Variants in ITPRID1 observed in about 807,000 individuals in gnomAD.
ITPRID1 encodes the protein ITPR interacting domain containing 1.
Under a neutral mutation model 95.4 loss-of-function variants are expected in ITPRID1, and 96 were observed. That is an observed-to-expected ratio of 1.01 (90% CI 0.85 to 1.19). ITPRID1 has a LOEUF of 1.19. Among genes scored for constraint, ITPRID1 ranks in the 50% most tolerant of loss-of-function variants. The pLI, the probability that ITPRID1 is intolerant of heterozygous loss-of-function variation, is 0.00. For missense variants in ITPRID1, 1,339 were observed against 1,252.9 expected, an observed-to-expected ratio of 1.07 and a Z score of -1.04; for synonymous variants, 510 against 453.6, an observed-to-expected ratio of 1.12 and a Z score of -1.58.
intron 10 of ITPRID1, among the ~76,000 whole-genome samples, chr7:31,615,059 TA>T (rs1241311016): frequency 6.6e-6 from 1 of 152,134 alleles, no homozygotes; most frequent in Admixed American, 6.6e-5. Flanking sequence ...GTAATTTTCT[TA>T]AAGAGAATAA....
intron 9 of ITPRID1, 31 bp from the exon 10 acceptor site, chr7:31,583,103 C>T (rs762791567): frequency 1.3e-6 from 2 of 1,535,478 alleles, no homozygotes; most frequent in South Asian, 1.1e-5. Flanking sequence ...GACAAAATTT[C>T]TAATGACATT....
intron 1 of ITPRID1, among the ~76,000 whole-genome samples, chr7:31,521,616 TTCCCTCCTTCCTTCCTTCCTTCC>T (rs75716324): frequency 0.16 from 13,513 of 83,532 alleles, 1,037 homozygotes; most frequent in Middle Eastern, 0.21. Flanking sequence ...TTTTTCTCCT[TTCCCTCCTTCCTTCCTTCCTTCC>T]TTCCTTCCTT....
Position 31,554,780 on chromosome 7 carries a change from C to A in ITPRID1, c.213-78C>A, listed in dbSNP as rs1784395019. 3 of 1,255,908 alleles carry A rather than the reference C, an allele frequency of 2.4e-6. No homozygotes were observed. In the South Asian group the frequency reaches 4.0e-5, roughly 17 times the overall value. 77.8% of individuals were successfully genotyped at this position (1,255,908 alleles called of 1,614,324 possible). A position where few individuals can be genotyped will look rare whatever the true frequency, so the allele number is the denominator to read the frequency against. ...AAACCTAACTCTGCATTTGCTCTCA[C>A]CTGTTTAATTAAAAAGTAATTTAGT... On this transcript the variant is annotated intron_variant, in intron 4 of 14. Transcript: ENST00000615280.
chr7:31,562,479 T>A (rs1784658308), intron 5 of ITPRID1, among the ~76,000 whole-genome samples: 1 of 152,200 alleles, frequency 6.6e-6, no homozygotes, highest in Admixed American at 6.5e-5. Context: ...TCAAAAGGAA[T>A]TTGTTTCAGA....
chr7:31,535,661 G>A (rs572567324), intron 1 of ITPRID1, among the ~76,000 whole-genome samples: 1 of 151,824 alleles, frequency 6.6e-6, no homozygotes, highest in Admixed American at 6.6e-5. Flanking sequence ...TGCTGAAGAT[G>A]GATTCTTTTA....
chr7:31,622,153 A>ATGTG (rs1787971641), intron 10 of ITPRID1, among the ~76,000 whole-genome samples: 1 of 135,904 alleles, frequency 7.4e-6, no homozygotes. Context: ...CACATTAATA[A>ATGTG]TGGGAGACTT....
At chr7:31,598,466 C>T (rs1225898103) in intron 10 of ITPRID1, among the ~76,000 whole-genome samples, 6 of 138,200 alleles carry the variant, frequency 4.3e-5, no homozygotes, top group South Asian at 2.3e-4. Context: ...TGCAGTGGCG[C>T]TATCTCGGCT....
chr7:31,638,107 A>G (rs932422790), intron 10 of ITPRID1, among the ~76,000 whole-genome samples: 1 of 152,230 alleles, frequency 6.6e-6, no homozygotes, highest in Admixed American at 6.5e-5. Context: ...CTGAAAAAAC[A>G]TTTAAAGTTC....
At chr7:31,549,917 G>A (rs1351635368) in intron 2 of ITPRID1, among the ~76,000 whole-genome samples, 6 of 152,146 alleles carry the variant, frequency 3.9e-5, no homozygotes, top group African/African-American at 1.4e-4. Flanking sequence ...GGACAAGAAT[G>A]TAATCATTGT....
intron 10 of ITPRID1, among the ~76,000 whole-genome samples, chr7:31,610,666 A>G (rs1348625178): frequency 6.6e-6 from 1 of 151,608 alleles, no homozygotes; most frequent in East Asian, 1.9e-4. Context: ...TCTTCCTAAT[A>G]GATTGACTCT....
chr7:31,633,731 T>G (rs1293809288), intron 10 of ITPRID1, among the ~76,000 whole-genome samples: 1 of 152,204 alleles, frequency 6.6e-6, no homozygotes, highest in Non-Finnish European at 1.5e-5. Context: ...TGTCACAGAA[T>G]TTTGTACCAT....
At chr7:31,521,620 CTCCTTCCTTCCTTCCT>C (rs201520895) in intron 1 of ITPRID1, among the ~76,000 whole-genome samples, 3,289 of 69,554 alleles carry the variant, frequency 0.047, 54 homozygotes, top group East Asian at 0.079. Context: ...TCTCCTTTCC[CTCCTTCCTTCCTTCCT>C]TCCTTCCTTC....
chr7:31,590,415 T>C (rs1348016549), intron 10 of ITPRID1, among the ~76,000 whole-genome samples: 1 of 152,146 alleles, frequency 6.6e-6, no homozygotes, highest in African/African-American at 2.4e-5. Context: ...ATCCAAGAAA[T>C]ACTACATAGA....
At chr7:31,526,385 C>T (rs902554571) in intron 1 of ITPRID1, among the ~76,000 whole-genome samples, 5 of 152,100 alleles carry the variant, frequency 3.3e-5, no homozygotes, top group African/African-American at 9.7e-5. Context: ...GCCTACGTTG[C>T]GAGTCAGAGA....
intron 9 of ITPRID1, among the ~76,000 whole-genome samples, chr7:31,582,349 T>C (rs887606308): frequency 2.6e-5 from 4 of 152,242 alleles, no homozygotes; most frequent in Admixed American, 6.5e-5. Context: ...CCAGAAAAAA[T>C]GTATATAAAA....
At chr7:31,566,739 G>C (rs1330032390) in intron 5 of ITPRID1, among the ~76,000 whole-genome samples, 2 of 152,134 alleles carry the variant, frequency 1.3e-5, no homozygotes, top group Non-Finnish European at 2.9e-5. Context: ...TTAATAAGGT[G>C]GCAAATGGGC....
chr7:31,578,454 AC>A lies in ITPRID1; in HGVS notation c.1170+22del. ...GAAGAGGTCAGTGCTGCACCAACGT[AC>A]CAGCCTCCTAAGGGAAATAACCTTC... On this transcript the variant is annotated intron_variant, in intron 9 of 14. Transcript: ENST00000615280. 1 of 1,537,668 alleles carries A rather than the reference AC, an allele frequency of 6.5e-7. No homozygotes were observed. The highest frequency in any genetic ancestry group is 2.0e-5 in the Admixed American group (1 of 49,044).
rs185576460 is a variant in ITPRID1, at chr7:31,538,924, G to A, written c.-97-10502G>A. 2.3e-3 allele frequency among the ~76,000 whole-genome samples: 354 copies of A among 152,218 alleles called. 1 individual carries two copies. Among genetic ancestry groups the A allele is most frequent in the African/African-American group, 7.9e-3 (328 of 41,544 alleles). On this transcript the variant is annotated intron_variant, in intron 1 of 14. Transcript: ENST00000615280. ...CCCGTAAGTTTTGCACCCAATTACG[G>A]TGGTTCCTGAAATTATTTACTACTA...
chr7:31,617,600 T>C (rs1027957675), intron 10 of ITPRID1, among the ~76,000 whole-genome samples: 19 of 151,996 alleles, frequency 1.3e-4, no homozygotes, highest in Admixed American at 1.0e-3. Context: ...TAACAGCAGC[T>C]CTTTAGAGAC....
Sources: allele counts gnomAD v4.1 joint callset (sites outside exome capture counted in the v4.1 genomes callset), GRCh38; gene constraint gnomAD v4.1.1; transcripts MANE v1.5; gene names NCBI Gene and HGNC (gene_info 2026-07-23, HGNC 2026-07-21).